The following LUZP1 variants were observed in gnomAD, a reference collection of about 807,000 sequenced individuals.
LUZP1 encodes leucine zipper protein 1.
Under a neutral mutation model 71.3 loss-of-function variants are expected in LUZP1, and 25 were observed. That is an observed-to-expected ratio of 0.35 (90% confidence interval 0.26 to 0.49). The LOEUF (loss-of-function observed/expected upper bound fraction) is 0.49, where lower values mean the gene tolerates loss of function less well. LUZP1 is among the 20% of genes least tolerant of loss of function. The pLI, the probability that LUZP1 is intolerant of heterozygous loss-of-function variation, is 0.99. For synonymous variants in LUZP1, 481 were observed against 506.4 expected, an observed-to-expected ratio of 0.95 and a Z score of 0.67; for missense variants, 1,142 against 1,300.8, an observed-to-expected ratio of 0.88 and a Z score of 1.88.
intron 1 of LUZP1, among the ~76,000 whole-genome samples, chr1:23,177,079 G>C (rs1037417270): frequency 6.6e-6 from 1 of 151,652 alleles, no homozygotes; most frequent in Non-Finnish European, 1.5e-5. Flanking sequence ...ATGATGGGGG[G>C]GGGGTCTCAC....
intron 2 of LUZP1, among the ~76,000 whole-genome samples, chr1:23,151,503 C>T (rs191972001): frequency 6.6e-6 from 1 of 152,258 alleles, no homozygotes; most frequent in African/African-American, 2.4e-5. Flanking sequence ...GGTGCGTAAT[C>T]CAAGGATAGA....
intron 2 of LUZP1, among the ~76,000 whole-genome samples, chr1:23,161,636 G>A (rs928801648): frequency 3.3e-5 from 5 of 152,090 alleles, no homozygotes; most frequent in African/African-American, 1.2e-4. Flanking sequence ...GCGTAACAGA[G>A]GCATAATGGG....
intron 2 of LUZP1, among the ~76,000 whole-genome samples, chr1:23,142,251 C>T (rs911128058): frequency 1.3e-5 from 2 of 152,162 alleles, no homozygotes; most frequent in Non-Finnish European, 2.9e-5. Flanking sequence ...GCCTTAGACT[C>T]CCAAAGTGCT....
chr1:23,126,931 G>A (rs1297991735), intron 2 of LUZP1, among the ~76,000 whole-genome samples: 1 of 152,158 alleles, frequency 6.6e-6, no homozygotes, highest in Non-Finnish European at 1.5e-5. Flanking sequence ...AACTCCACAG[G>A]AATGAGTTGT....
rs959383667 is a variant in LUZP1 at position 23,088,841 on chromosome 1, G to A, written c.*54C>T. 59 of 1,589,382 alleles carry A rather than the reference G, an allele frequency of 3.7e-5. 1 individual carries two copies. Among genetic ancestry groups the A allele is most frequent in the Middle Eastern group, 1.8e-4 (1 of 5,532 alleles). On this transcript the variant is annotated 3_prime_UTR_variant, in exon 5 of 5. Transcript: ENST00000302291. ...CCTTGGATCCTTCGTGGGGCAGGAC[G>A]GTGGAAGAGCTGAGAAGCAGGAGCA...
chr1:23,109,791 T>C (rs988858618), intron 2 of LUZP1: 3 of 152,208 alleles, frequency 2.0e-5, no homozygotes, highest in Non-Finnish European at 2.9e-5. Flanking sequence ...ATCTGAAATC[T>C]AAAACACTTC....
At chr1:23,161,080 C>A (rs1404117456) in intron 2 of LUZP1, among the ~76,000 whole-genome samples, 1 of 152,034 alleles carries the variant, frequency 6.6e-6, no homozygotes, top group African/African-American at 2.4e-5. Context: ...GATAATGGGA[C>A]CAAAGGTGCT....
chr1:23,114,880 CA>C (rs1273243984), intron 2 of LUZP1, among the ~76,000 whole-genome samples: 1 of 152,168 alleles, frequency 6.6e-6, no homozygotes, highest in Non-Finnish European at 1.5e-5. Context: ...ATCAGTCAAA[CA>C]AAAAGGCCAG....
intron 3 of LUZP1, among the ~76,000 whole-genome samples, chr1:23,103,890 GAGAGGGAGGGAGGGGGGAA>G (rs1643956065): frequency 4.4e-4 from 4 of 9,104 alleles, no homozygotes; most frequent in Non-Finnish European, 6.0e-4. Context: ...GAGAGAGGGA[GAGAGGGAGGGAGGGGGGAA>G]GGAGGGAGGG....
In LUZP1 at chr1:23,093,929, C is replaced by T. The variant is rs377285991; in HGVS notation, c.333G>A (p.Glu111=). The stretch of plus-strand genomic sequence containing the variant: ...ATTCAGCCATTCGTTTCTGAAGCCG[C>T]TCAATCTCAGATTTCAGCTCCCGGG... Residue 111 remains glutamate (E), a synonymous_variant, in exon 4 of 5, where the codon GAG becomes GAA. Coordinates refer to ENST00000302291, the Ensembl canonical transcript of LUZP1. The surrounding 1 kb of genome is among the most constrained non-coding windows in gnomAD (Gnocchi z 4.2). 5.6e-6 allele frequency: 9 copies of T among 1,614,120 alleles called. No individual in the cohort carries two copies. Among genetic ancestry groups the T allele is most frequent in the Non-Finnish European group, 7.6e-6 (9 of 1,180,052 alleles).
In LUZP1 at chr1:23,091,014, CCTT is replaced by C. The variant is rs986218099; in HGVS notation, c.3072+173_3072+175del. ...TTTTGGAAAGTGATGCTGCCAAAAA[CCTT>C]CTTTAGGAGAAAGGTCAAACCCCCC... On this transcript the variant is annotated intron_variant, in intron 4 of 4. Transcript: ENST00000302291. 6.4e-5 allele frequency: 49 copies of C among 761,430 alleles called. No individual in the cohort carries two copies. The African/African-American group carries it at 7.4e-4, about 12-fold the overall frequency. The allele number at this position is 761,430 out of a possible 1,614,324, so 47.2% of individuals were successfully genotyped here.
intron 2 of LUZP1, among the ~76,000 whole-genome samples, chr1:23,166,653 CAAAAAAAA>C (rs538327046): frequency 1.1e-4 from 8 of 70,890 alleles, no homozygotes; most frequent in South Asian, 6.4e-4. Context: ...CACTCCGTCT[CAAAAAAAA>C]AAAAAAAAAA....
At chr1:23,171,088 C>CA (rs66613866) in intron 1 of LUZP1, among the ~76,000 whole-genome samples, 161 of 141,304 alleles carry the variant, frequency 1.1e-3, no homozygotes, top group African/African-American at 3.0e-3. Flanking sequence ...GACCCTGTCT[C>CA]AAAAAAAAAA....
At chr1:23,105,355 T>C (rs1045732127) in intron 3 of LUZP1, among the ~76,000 whole-genome samples, 4 of 152,216 alleles carry the variant, frequency 2.6e-5, no homozygotes, top group African/African-American at 9.7e-5. Context: ...TTAAATCTCA[T>C]TTTTAATAAT....
intron 2 of LUZP1, among the ~76,000 whole-genome samples, chr1:23,167,757 A>C (rs1644521410): frequency 6.6e-6 from 1 of 152,176 alleles, no homozygotes; most frequent in African/African-American, 2.4e-5. Context: ...CGGGCTCCGA[A>C]GCCCCAGCGC....
chr1:23,101,406 C>T (rs1643930681), intron 3 of LUZP1, among the ~76,000 whole-genome samples: 1 of 152,212 alleles, frequency 6.6e-6, no homozygotes, highest in African/African-American at 2.4e-5. Context: ...CTAGCAAGGA[C>T]AGTCAGAGTG....
intron 2 of LUZP1, among the ~76,000 whole-genome samples, chr1:23,144,339 T>C (rs1644326798): frequency 6.6e-6 from 1 of 151,864 alleles, no homozygotes; most frequent in Non-Finnish European, 1.5e-5. Flanking sequence ...CTGAGAGATA[T>C]CAAGTGGCAT....
At chr1:23,110,859 G>A (rs1327407131) in intron 2 of LUZP1, among the ~76,000 whole-genome samples, 2 of 152,050 alleles carry the variant, frequency 1.3e-5, no homozygotes, top group African/African-American at 2.4e-5. Context: ...TCTGAAACTC[G>A]TGACCTCAAG....
chr1:23,170,358 T>C (rs1315667951), intron 1 of LUZP1, among the ~76,000 whole-genome samples: 4 of 152,168 alleles, frequency 2.6e-5, no homozygotes, highest in African/African-American at 9.7e-5. Context: ...AGTCTTGTGG[T>C]GTTTGTTTTA....
Sources: gnomAD v4.1 joint callset for allele counts (sites outside exome capture counted in the v4.1 genomes callset) on GRCh38, gnomAD v4.1.1 for gene constraint, Gnocchi (gnomAD v3.1) non-coding constraint, MANE v1.5 for transcripts, NCBI Gene and HGNC (gene_info 2026-07-23, HGNC 2026-07-21) for gene names.